The following FRMD4A variants were observed in gnomAD, a reference collection of about 807,000 sequenced individuals.
FRMD4A encodes FERM domain containing 4A, also known as FERM domain-containing protein 4A.
A neutral mutation model predicts 129.1 loss-of-function variants in FRMD4A; 29 were observed. The ratio of observed to expected loss-of-function variants is 0.22; its 90% CI spans 0.17 to 0.31. The LOEUF is 0.31. FRMD4A is among the 10% of genes least tolerant of loss of function. The pLI is 1.00. For synonymous variants in FRMD4A, 634 were observed against 571.6 expected (o/e 1.11, Z -1.56); for missense variants, 1,272 against 1,375.8 (o/e 0.92, Z 1.19).
rs1387332131 is a variant in FRMD4A at position 13,701,424 on chromosome 10, C to T, written c.891G>A (p.Trp297Ter). ...FGHSGIAVHT[W>*]YACPALIKSI... ...ACTTGATCAATGCCGGACATGCATA[C>T]CACGTGTGCACTGCAATGCCGCTGT... Residue 297 changes from tryptophan to a stop codon, truncating the protein, a stop_gained, in exon 14 of 25, where the codon TGG (tryptophan) becomes TGA (stop). Transcript: ENST00000357447. LOFTEE classifies it high-confidence loss of function. 6.2e-7 allele frequency: 1 copy of T among 1,613,738 alleles called. No homozygotes were observed.
chr10:13,827,772 C>G (rs1343099330), intron 3 of FRMD4A, among the ~76,000 whole-genome samples: 1 of 152,188 alleles, frequency 6.6e-6, no homozygotes, highest in Non-Finnish European at 1.5e-5. Context: ...ATCTCCAAGC[C>G]TACCCCCAGG....
At chr10:13,670,286 A>G in intron 17 of FRMD4A, 120 bp downstream of exon 17, 1 of 988,258 alleles carries the variant, frequency 1.0e-6, no homozygotes, top group South Asian at 1.4e-5. Flanking sequence ...AAAAGGTATG[A>G]GCGAAAATAC....
At position 14,188,431 on chromosome 10, in the gene FRMD4A, G is replaced by A. The variant is rs182135532; in HGVS notation, c.45+141627C>T. Among the ~76,000 whole-genome samples, 27 of 152,204 alleles carry A rather than the reference G, an allele frequency of 1.8e-4. 1 individual carries two copies. The highest frequency in any genetic ancestry group is 4.1e-4 in the South Asian group (2 of 4,820). On this transcript the variant is annotated intron_variant, in intron 2 of 24. Coordinates refer to ENST00000357447, the MANE Select transcript of FRMD4A (RefSeq NM_018027.5). ...ACTTTGGCTTTTAGAATCATGTGCC[G>A]TCTCCTTTCCTATTTGCCTCCCGCC...
At chr10:14,293,140 A>G (rs1188981890) in intron 2 of FRMD4A, among the ~76,000 whole-genome samples, 1 of 152,234 alleles carries the variant, frequency 6.6e-6, no homozygotes, top group Non-Finnish European at 1.5e-5. Context: ...TTAATCTCCA[A>G]TGCAACAGTG....
At chr10:14,071,743 C>A (rs1835328389) in intron 2 of FRMD4A, among the ~76,000 whole-genome samples, 1 of 151,836 alleles carries the variant, frequency 6.6e-6, no homozygotes, top group South Asian at 2.1e-4. Flanking sequence ...CAGAGAGGAC[C>A]AGGTATGTGT....
At chr10:14,299,573 T>C (rs1231311642) in intron 2 of FRMD4A, among the ~76,000 whole-genome samples, 2 of 152,272 alleles carry the variant, frequency 1.3e-5, no homozygotes, top group South Asian at 2.1e-4. Flanking sequence ...AGAATGTAAA[T>C]TGAGCATCAT....
chr10:13,788,729 T>C (rs1360650840), intron 5 of FRMD4A, among the ~76,000 whole-genome samples: 1 of 152,212 alleles, frequency 6.6e-6, no homozygotes, highest in Admixed American at 6.5e-5. Context: ...CCCGAGAATA[T>C]TTTATCAGAG....
At position 14,221,913 on chromosome 10, in the gene FRMD4A, T is replaced by C. The variant is rs114965943; in HGVS notation, c.45+108145A>G. 1.0e-2 allele frequency among the ~76,000 whole-genome samples: 1,519 copies of C among 152,174 alleles called. 23 individuals carry two copies. Among genetic ancestry groups the C allele is most frequent in the African/African-American group, 0.034 (1,411 of 41,506 alleles). ...GGAGGGTCTGCAGTTGAAGATTGGG[T>C]AGTGAGGCCCCAGTTTGTTTTTCTA... On this transcript the variant is annotated intron_variant, in intron 2 of 24. Transcript: ENST00000357447.
intron 3 of FRMD4A, among the ~76,000 whole-genome samples, chr10:13,853,054 A>T (rs1784473346): frequency 6.6e-6 from 1 of 152,132 alleles, no homozygotes; most frequent in Non-Finnish European, 1.5e-5. Flanking sequence ...ACAGTTGTAA[A>T]TGTCTTGCCA....
intron 2 of FRMD4A, among the ~76,000 whole-genome samples, chr10:14,092,593 T>C (rs144351249): frequency 2.1e-4 from 32 of 152,344 alleles, no homozygotes; most frequent in African/African-American, 6.7e-4. Context: ...CTTCCATCAG[T>C]GTTCATTGAG....
intron 2 of FRMD4A, among the ~76,000 whole-genome samples, chr10:14,095,113 T>C (rs1836881886): frequency 1.3e-5 from 2 of 152,212 alleles, no homozygotes; most frequent in African/African-American, 4.8e-5. Context: ...GGGTGAGTTT[T>C]AACGCTGTGA....
chr10:14,266,172 G>A (rs1320073791), intron 2 of FRMD4A, among the ~76,000 whole-genome samples: 2 of 148,740 alleles, frequency 1.3e-5, no homozygotes, highest in African/African-American at 5.0e-5. Context: ...GTGGGAGGGG[G>A]TGGGGCTTTC....
At chr10:13,707,806 C>T (rs1244476852) in intron 12 of FRMD4A, 10 of 985,384 alleles carry the variant, frequency 1.0e-5, no homozygotes, top group Non-Finnish European at 1.2e-5. Context: ...CGGCCAGAGT[C>T]TCTCCCTCAA....
intron 2 of FRMD4A, among the ~76,000 whole-genome samples, chr10:14,323,132 G>T (rs1251432805): frequency 6.6e-6 from 1 of 152,198 alleles, no homozygotes; most frequent in Non-Finnish European, 1.5e-5. Flanking sequence ...ATTGTCCAGA[G>T]GTGGTCACTC....
rs117972971 is a variant in FRMD4A at position 14,162,774 on chromosome 10, G to C, written c.45+167284C>G. Among the ~76,000 whole-genome samples the C allele has an allele frequency of 3.7e-3, 558 of 151,746 alleles. 6 individuals are homozygous for C. Among genetic ancestry groups the C allele is most frequent in the East Asian group, 0.034 (176 of 5,160 alleles). On this transcript the variant is annotated intron_variant, in intron 2 of 24. Coordinates refer to ENST00000357447, the MANE Select transcript of FRMD4A (RefSeq NM_018027.5). ...TGCAGGTACCAGGACACTAGGTCAA[G>C]CTATGCACAGCATAGAGTAAATGTT...
At position 13,651,911 on chromosome 10, in the gene FRMD4A, A is replaced by G. The variant is rs772771556; in HGVS notation, c.3114T>C (p.Asp1038=). The change falls in exon 24 of 25, where the codon GAT becomes GAC. Residue 1038 remains aspartate (D), a synonymous_variant. Transcript: ENST00000357447. ...GSESPPHQST[D]E is the part of the protein sequence containing the mutation. ...AACTCCCCTTACGGTACCTCTATTC[A>G]TCAGTACTTTGGTGAGGTGGAGACT... The G allele has an allele frequency of 1.6e-5, 25 of 1,551,934 alleles. No individual in the cohort carries two copies. Among genetic ancestry groups the G allele is most frequent in the Non-Finnish European group, 2.0e-5 (22 of 1,123,248 alleles).
At chr10:14,127,435 T>G (rs1466343325) in intron 2 of FRMD4A, among the ~76,000 whole-genome samples, 1 of 152,204 alleles carries the variant, frequency 6.6e-6, no homozygotes, top group African/African-American at 2.4e-5. Flanking sequence ...GAGGCCTTGC[T>G]GTACTCTGGA....
intron 2 of FRMD4A, among the ~76,000 whole-genome samples, chr10:14,278,542 T>C (rs1284535298): frequency 6.6e-6 from 1 of 152,218 alleles, no homozygotes; most frequent in African/African-American, 2.4e-5. Context: ...TTTGAAACAT[T>C]TGTTCTTACA....
intron 5 of FRMD4A, 143 bp downstream of exon 5, chr10:13,796,353 G>T (rs2093119112): frequency 3.1e-6 from 2 of 640,002 alleles, no homozygotes; most frequent in African/African-American, 3.6e-5. Flanking sequence ...CATCTATGAG[G>T]CATGCAGCTC....
Sources: gnomAD v4.1 joint callset for allele counts (sites outside exome capture counted in the v4.1 genomes callset) on GRCh38, gnomAD v4.1.1 for gene constraint, MANE v1.5 for transcripts, NCBI Gene and HGNC (gene_info 2026-07-23, HGNC 2026-07-21) for gene names.